The following CTNNA3 variants were observed in gnomAD, a reference collection of about 807,000 sequenced individuals.
CTNNA3 encodes the protein catenin alpha 3.
A neutral mutation model predicts 95.7 loss-of-function variants in CTNNA3; 76 were observed. That is an observed-to-expected ratio of 0.79 (90% CI 0.66 to 0.96). The LOEUF (loss-of-function observed/expected upper bound fraction) is 0.96, where lower values mean the gene tolerates loss of function less well. Among genes scored for constraint, CTNNA3 ranks in the 40% least tolerant of loss-of-function variants. The pLI is 0.00. For missense variants in CTNNA3, 1,191 were observed against 1,089.8 expected (o/e 1.09, Z -1.31); for synonymous variants, 431 against 374.4 (o/e 1.15, Z -1.74).
intron 3 of CTNNA3, among the ~76,000 whole-genome samples, chr10:67,542,285 C>A (rs1336336204): frequency 6.6e-6 from 1 of 152,034 alleles, no homozygotes; most frequent in Non-Finnish European, 1.5e-5. Flanking sequence ...CAAGATAGGT[C>A]TTACAATAAG....
In CTNNA3 at chr10:66,766,299, C is replaced by T. The variant is rs1269961245; in HGVS notation, c.1246G>A (p.Ala416Thr). The change falls in exon 9 of 18, where the codon GCG becomes ACG. Residue 416 changes from alanine (A) to threonine (T), a missense_variant. By Grantham distance (58) the Ala-to-Thr change is moderately conservative. Coordinates refer to ENST00000433211, the MANE Select transcript of CTNNA3 (RefSeq NM_013266.4). ...CTGCTGGTGTGTTCATGAAATATCG[C>T]AGCATATTCTTTTATTTCCTTTTCC... ...GREKEIKEYA[A>T]IFHEHTSRLV... The T allele has an allele frequency of 6.2e-7, 1 of 1,613,872 alleles. No homozygotes were observed. The highest frequency in any genetic ancestry group is 1.7e-5 in the Admixed American group (1 of 59,980).
At chr10:66,052,019 C>T (rs892043503) in intron 15 of CTNNA3, among the ~76,000 whole-genome samples, 2 of 151,852 alleles carry the variant, frequency 1.3e-5, no homozygotes, top group Non-Finnish European at 2.9e-5. Context: ...AATTTGAAGC[C>T]AGTAAAAATT....
Position 67,013,699 on chromosome 10 carries a change from G to A in CTNNA3, c.1047+166618C>T, listed in dbSNP as rs146642825. ...TAATTAATTTGAAGGAAGGTAATAG[G>A]CAGGTAAAGCAGCTCAGTATAATCA... On this transcript the variant is annotated intron_variant, in intron 7 of 17. Transcript: ENST00000433211. Among the ~76,000 whole-genome samples the A allele has an allele frequency of 1.3e-3, 195 of 152,286 alleles. 3 individuals are homozygous for A. The East Asian group carries it at 0.032, about 25-fold the overall frequency.
chr10:67,120,741 A>C (rs1859424798), intron 7 of CTNNA3, among the ~76,000 whole-genome samples: 1 of 152,052 alleles, frequency 6.6e-6, no homozygotes, highest in African/African-American at 2.4e-5. Context: ...TTATAGGAAC[A>C]TACAGACTGA....
chr10:67,470,536 T>C (rs889481706), intron 5 of CTNNA3, among the ~76,000 whole-genome samples: 1 of 152,186 alleles, frequency 6.6e-6, no homozygotes, highest in Non-Finnish European at 1.5e-5. Flanking sequence ...AGGCACATTA[T>C]ATATTTGATA....
chr10:66,562,087 G>C lies in CTNNA3; in HGVS notation c.1375-41314C>G, dbSNP rs369082845. On this transcript the variant is annotated intron_variant, in intron 10 of 17. Transcript: ENST00000433211. ...AATTACTATGAAAACCTAAGGCCTG[G>C]AGTTTTGTAAAAATTTATACACACG... Among the ~76,000 whole-genome samples, 18 of 152,084 alleles carry C rather than the reference G, an allele frequency of 1.2e-4. No homozygotes were observed. In the East Asian group the frequency reaches 3.5e-3, roughly 29 times the overall value.
chr10:67,678,285 A>G (rs997177721), intron 1 of CTNNA3, among the ~76,000 whole-genome samples: 2 of 152,186 alleles, frequency 1.3e-5, no homozygotes, highest in Non-Finnish European at 2.9e-5. Context: ...AAGTGATGGA[A>G]AGGCTAAAAA....
chr10:67,241,578 C>G (rs991832899), intron 5 of CTNNA3, among the ~76,000 whole-genome samples: 1 of 152,164 alleles, frequency 6.6e-6, no homozygotes, highest in African/African-American at 2.4e-5. Flanking sequence ...AAACAGACCA[C>G]TTGTTTCCTG....
At chr10:67,524,056 T>G (rs1840062635) in intron 4 of CTNNA3, among the ~76,000 whole-genome samples, 2 of 152,200 alleles carry the variant, frequency 1.3e-5, no homozygotes, top group Admixed American at 1.3e-4. Flanking sequence ...TATTTATCTC[T>G]GTAAACATTA....
intron 13 of CTNNA3, among the ~76,000 whole-genome samples, chr10:66,255,529 C>G (rs529891591): frequency 6.6e-6 from 1 of 152,056 alleles, no homozygotes; most frequent in South Asian, 2.1e-4. Context: ...CTTCTCTACC[C>G]GATTCTGATG....
At chr10:67,131,674 A>T (rs1860014590) in intron 7 of CTNNA3, among the ~76,000 whole-genome samples, 1 of 152,052 alleles carries the variant, frequency 6.6e-6, no homozygotes, top group South Asian at 2.1e-4. Context: ...GATTTATCAC[A>T]GAGCTGGGCA....
Position 66,843,978 on chromosome 10 carries a change from A to C in CTNNA3, c.1048-68454T>G, listed in dbSNP as rs1244498408. 3.3e-5 allele frequency among the ~76,000 whole-genome samples: 5 copies of C among 152,356 alleles called. No individual in the cohort carries two copies. The East Asian group carries it at 9.7e-4, about 29-fold the overall frequency. On this transcript the variant is annotated intron_variant, in intron 7 of 17. Coordinates refer to ENST00000433211, the MANE Select transcript of CTNNA3 (RefSeq NM_013266.4). ...TGATGCCCAATAGGGCATTTATTGG[A>C]GAACAATAATATCTCTATTATAGCT...
At chr10:67,337,536 G>A (rs1842038856) in intron 5 of CTNNA3, among the ~76,000 whole-genome samples, 1 of 152,246 alleles carries the variant, frequency 6.6e-6, no homozygotes, top group Non-Finnish European at 1.5e-5. Context: ...CAGTAGCCGG[G>A]TTTGAAAGGA....
chr10:66,699,784 G>A (rs180978176), intron 9 of CTNNA3, among the ~76,000 whole-genome samples: 24 of 151,544 alleles, frequency 1.6e-4, no homozygotes, highest in African/African-American at 5.3e-4. Context: ...TCAGCCCCCC[G>A]AGTAGCTGGG....
At chr10:67,441,964 A>G (rs1846534272) in intron 5 of CTNNA3, among the ~76,000 whole-genome samples, 1 of 152,190 alleles carries the variant, frequency 6.6e-6, no homozygotes, top group Non-Finnish European at 1.5e-5. Context: ...CTAATGATGA[A>G]CCAATCAAAA....
In CTNNA3 at chr10:67,260,084, T is replaced by C. The variant is rs1399008069; in HGVS notation, c.580-40214A>G. On this transcript the variant is annotated intron_variant, in intron 5 of 17. Coordinates refer to ENST00000433211, the MANE Select transcript of CTNNA3 (RefSeq NM_013266.4). ...TAACATGTATTTGCTCAGCTTATTT[T>C]ATATACATTAGCGCTGCGCTAAATA... Among the ~76,000 whole-genome samples, 4 of 152,248 alleles carry C rather than the reference T, an allele frequency of 2.6e-5. No homozygotes were observed. In the East Asian group the frequency reaches 7.7e-4, roughly 29 times the overall value.
intron 7 of CTNNA3, among the ~76,000 whole-genome samples, chr10:66,841,196 A>T (rs1328201482): frequency 1.3e-5 from 2 of 152,210 alleles, no homozygotes; most frequent in Non-Finnish European, 2.9e-5. Flanking sequence ...CTAAGAATGC[A>T]AACTGGTCTT....
chr10:66,796,046 A>G (rs1035355250), intron 7 of CTNNA3, among the ~76,000 whole-genome samples: 1 of 152,126 alleles, frequency 6.6e-6, no homozygotes, highest in Non-Finnish European at 1.5e-5. Flanking sequence ...TATCAGCAAT[A>G]AGGTTGTTTT....
chr10:67,661,371 G>A (rs540542203), intron 1 of CTNNA3, among the ~76,000 whole-genome samples: 1 of 152,052 alleles, frequency 6.6e-6, no homozygotes, highest in Admixed American at 6.5e-5. Context: ...AGGCAGGGAG[G>A]GAATGTTGGC....
Sources: allele counts gnomAD v4.1 joint callset (sites outside exome capture counted in the v4.1 genomes callset), GRCh38; gene constraint gnomAD v4.1.1; transcripts MANE v1.5; gene names NCBI Gene and HGNC (gene_info 2026-07-23, HGNC 2026-07-21).